The following UHRF1 variants were observed in gnomAD, a reference collection of about 807,000 sequenced individuals.
The protein encoded by UHRF1 is ubiquitin like with PHD and ring finger domains 1.
Under a neutral mutation model 96.5 loss-of-function variants are expected in UHRF1, and 9 were observed. The observed-to-expected ratio is 0.09, with a 90% confidence interval of 0.06 to 0.16. The LOEUF (loss-of-function observed/expected upper bound fraction) is 0.16, where lower values mean the gene tolerates loss of function less well. Ranked by LOEUF, UHRF1 falls within the 10% of genes least tolerant of loss-of-function variation. The probability of loss-of-function intolerance (pLI) is 1.00; values close to 1 mark genes in which losing one functional copy is unlikely to be tolerated. For synonymous variants in UHRF1, 455 were observed against 469.9 expected (o/e 0.97, Z 0.41); for missense variants, 626 against 1,131.1 (o/e 0.55, Z 6.40).
At chr19:4,905,541 G>A (rs1356760508), upstream of UHRF1, among the ~76,000 whole-genome samples, 4 of 150,086 alleles carry the variant, frequency 2.7e-5, no homozygotes, top group Non-Finnish European at 4.4e-5. Flanking sequence ...TTTTGAGATG[G>A]AGTTTTGCTC....
chr19:4,919,685 C>T (rs1391234072), intron 2 of UHRF1, among the ~76,000 whole-genome samples: 1 of 152,086 alleles, frequency 6.6e-6, no homozygotes, highest in Non-Finnish European at 1.5e-5. Context: ...TTACCAGGCA[C>T]AGTAGGAGAC....
rs1391464809 is a variant in UHRF1 at position 4,941,597 on chromosome 19, A to AG, written c.858dup (p.Ser287GlufsTer5). On this transcript the variant is annotated frameshift_variant, in exon 6 of 17. Coordinates refer to ENST00000650932, the MANE Select transcript of UHRF1 (RefSeq NM_001048201.3). LOFTEE classifies it high-confidence loss of function. Reference sequence around the variant, plus strand: ...TCTTCAAGATTGAGCGGCCGGGTGAAGGGAGCCCCATGGTTGACAACCCCA... The same window carrying AG: ...TCTTCAAGATTGAGCGGCCGGGTGAAGGGGAGCCCCATGGTTGACAACCCCA... 1 of 1,613,706 alleles carries AG rather than the reference A, an allele frequency of 6.2e-7. No homozygotes were observed. The highest frequency in any genetic ancestry group is 1.3e-5 in the African/African-American group (1 of 75,032).
chr19:4,955,336 G>A (rs1385655135), intron 15 of UHRF1, among the ~76,000 whole-genome samples: 1 of 152,042 alleles, frequency 6.6e-6, no homozygotes, highest in East Asian at 1.9e-4. Context: ...TGTATCCCTC[G>A]GCTCGGGGCC....
chr19:4,947,411 C>T (rs1280605879), intron 11 of UHRF1, among the ~76,000 whole-genome samples, 200 bp downstream of exon 11: 1 of 149,996 alleles, frequency 6.7e-6, no homozygotes, highest in African/African-American at 2.5e-5. Context: ...TCTGGTTCCT[C>T]CCGTATGTGT....
At chr19:4,926,818 A>G (rs2032886379) in intron 2 of UHRF1, among the ~76,000 whole-genome samples, 1 of 151,810 alleles carries the variant, frequency 6.6e-6, no homozygotes, top group African/African-American at 2.4e-5. Context: ...TAATCCCGGC[A>G]CTTTGGAAGG....
At chr19:4,920,092 C>A (rs1281003892) in intron 2 of UHRF1, among the ~76,000 whole-genome samples, 1 of 152,162 alleles carries the variant, frequency 6.6e-6, no homozygotes, top group Non-Finnish European at 1.5e-5. Flanking sequence ...GCTGGGATTA[C>A]GGGCATGAGC....
rs574040201 is a variant in UHRF1, at chr19:4,943,523, G to C, written c.1074-609G>C. On this transcript the variant is annotated intron_variant, in intron 7 of 16. Coordinates refer to ENST00000650932, the MANE Select transcript of UHRF1 (RefSeq NM_001048201.3). ...CCCCCTCCCCACATCGTAGAGATGG[G>C]GAAACTGAGTCCACGGCAGTGAGAA... Among the ~76,000 whole-genome samples, 6 of 151,806 alleles carry C rather than the reference G, an allele frequency of 4.0e-5. No homozygotes were observed. The Admixed American group carries it at 4.0e-4, about 10-fold the overall frequency.
intron 2 of UHRF1, among the ~76,000 whole-genome samples, 196 bp from the exon 3 acceptor site, chr19:4,929,026 G>C (rs2032961523): frequency 1.3e-5 from 2 of 152,250 alleles, no homozygotes. Flanking sequence ...CTGAGACCCT[G>C]AGGGAAGGGA....
intron 5 of UHRF1, among the ~76,000 whole-genome samples, chr19:4,940,545 T>G (rs564651877): frequency 1.4e-4 from 21 of 151,772 alleles, no homozygotes; most frequent in Non-Finnish European, 2.9e-4. Flanking sequence ...TCTTGTATTC[T>G]TAGTAGAGAC....
At chr19:4,922,427 G>A (rs1317559343) in intron 2 of UHRF1, among the ~76,000 whole-genome samples, 2 of 150,912 alleles carry the variant, frequency 1.3e-5, no homozygotes, top group Admixed American at 6.6e-5. Context: ...CACCACGCCC[G>A]GGTAATTTTT....
intron 10 of UHRF1, 84 bp from the exon 11 acceptor site, chr19:4,947,021 T>C (rs776932227): frequency 7.7e-6 from 8 of 1,044,040 alleles, no homozygotes; most frequent in Non-Finnish European, 1.2e-5. Context: ...AAAGTAGCCA[T>C]CCTGGGGAGT....
At position 4,944,387 on chromosome 19, in the gene UHRF1, G is replaced by A. The variant is rs762198120; in HGVS notation, c.1242G>A (p.Pro414=). Residue 414 remains proline (P), a synonymous_variant, in exon 9 of 17, where the codon CCG becomes CCA. Transcript: ENST00000650932. The part of the protein sequence containing the change: ...VGRTKECTIV[P]SNHYGPIPGI... ...GCACCAAGGAATGTACCATCGTCCC[G>A]TCCAACCACTACGGACCCATCCCGG... The A allele has an allele frequency of 1.2e-5, 19 of 1,613,920 alleles. No homozygotes were observed. Among genetic ancestry groups the A allele is most frequent in the East Asian group, 2.2e-5 (1 of 44,888 alleles).
At chr19:4,935,801 G>A (rs2033198731) in intron 5 of UHRF1, among the ~76,000 whole-genome samples, 1 of 152,076 alleles carries the variant, frequency 6.6e-6, no homozygotes, top group Admixed American at 6.6e-5. Context: ...GGGGAGAAAC[G>A]CCTACAAATG....
At chr19:4,921,628 T>C (rs575512933) in intron 2 of UHRF1, among the ~76,000 whole-genome samples, 31 of 151,944 alleles carry the variant, frequency 2.0e-4, no homozygotes, top group African/African-American at 6.3e-4. Context: ...TGATGGCCCA[T>C]GCCTGTAGTC....
In UHRF1 at chr19:4,930,664, C is replaced by A; in HGVS notation, c.409-52C>A. ...GTGTCCGAGAACCAAGGTGGTCTCC[C>A]GTCAGTTTTCCTCACCCCGTTGGGA... On this transcript the variant is annotated intron_variant, in intron 3 of 16. Transcript: ENST00000650932. The surrounding 1 kb of genome is among the most constrained non-coding windows in gnomAD (Gnocchi z 4.4). The A allele has an allele frequency of 6.3e-7, 1 of 1,584,538 alleles. No individual in the cohort carries two copies. The highest frequency in any genetic ancestry group is 2.3e-5 in the East Asian group (1 of 43,662).
intron 2 of UHRF1, among the ~76,000 whole-genome samples, chr19:4,919,963 AC>A (rs749826006): frequency 6.6e-6 from 1 of 151,824 alleles, no homozygotes; most frequent in Non-Finnish European, 1.5e-5. Context: ...GATTACAGGC[AC>A]CCACCACCAC....
intron 2 of UHRF1, among the ~76,000 whole-genome samples, chr19:4,926,643 G>A (rs28507604): frequency 0.059 from 8,941 of 152,104 alleles, 846 homozygotes; most frequent in African/African-American, 0.2. Context: ...ATGTGTGCCT[G>A]TGGTCCCAGC....
intron 13 of UHRF1, among the ~76,000 whole-genome samples, chr19:4,953,088 G>A (rs962293166): frequency 1.3e-5 from 2 of 152,096 alleles, no homozygotes; most frequent in African/African-American, 4.8e-5. Context: ...ACCCGCGTTC[G>A]CTCACATTAA....
chr19:4,915,246 A>T (rs1285034050), intron 2 of UHRF1, among the ~76,000 whole-genome samples: 1 of 152,016 alleles, frequency 6.6e-6, no homozygotes, highest in African/African-American at 2.4e-5. Flanking sequence ...TGCGGGAGGG[A>T]GGGTCCCCAC....
Sources: gnomAD v4.1 joint callset for allele counts (sites outside exome capture counted in the v4.1 genomes callset) on GRCh38, gnomAD v4.1.1 for gene constraint, Gnocchi (gnomAD v3.1) non-coding constraint, MANE v1.5 for transcripts, NCBI Gene and HGNC (gene_info 2026-07-23, HGNC 2026-07-21) for gene names.